KPNA3: variants seen among roughly 807,000 people sequenced by gnomAD.
KPNA3 encodes karyopherin subunit alpha 3.
Under a neutral mutation model 73.8 loss-of-function variants are expected in KPNA3, and 13 were observed. The ratio of observed to expected loss-of-function variants is 0.18; its 90% CI spans 0.11 to 0.28. The LOEUF is 0.28. Ranked by LOEUF, KPNA3 falls within the 10% of genes least tolerant of loss-of-function variation. The probability of loss-of-function intolerance (pLI) is 1.00; values close to 1 mark genes in which losing one functional copy is unlikely to be tolerated. For missense variants in KPNA3, 360 were observed against 618.1 expected, an observed-to-expected ratio of 0.58 and a Z score of 4.43; for synonymous variants, 186 against 206.9, an observed-to-expected ratio of 0.90 and a Z score of 0.87.
Position 49,725,517 on chromosome 13 carries a change from A to G in KPNA3, c.384-16T>C. On this transcript the variant is annotated splice_polypyrimidine_tract_variant and intron_variant, in intron 6 of 16. Coordinates refer to ENST00000261667, the MANE Select transcript of KPNA3 (RefSeq NM_002267.4). The stretch of plus-strand genomic sequence containing the variant: ...TAATGAAGGACTGTAAAAAAACAAT[A>G]ACACATCTTTTTAGACACATAACTA... 6.6e-7 allele frequency: 1 copy of G among 1,523,732 alleles called. No homozygotes were observed. The highest frequency in any genetic ancestry group is 1.4e-5 in the African/African-American group (1 of 73,276). 94.4% of individuals were successfully genotyped at this position (1,523,732 alleles called of 1,614,324 possible).
chr13:49,791,055 A>G (rs954127871), intron 1 of KPNA3, among the ~76,000 whole-genome samples: 3 of 152,260 alleles, frequency 2.0e-5, no homozygotes, highest in African/African-American at 7.2e-5. Flanking sequence ...AACCATGACC[A>G]GGAAAGAATA....
chr13:49,730,620 ATTTTT>A (rs1174367855), intron 6 of KPNA3, among the ~76,000 whole-genome samples: 1 of 143,574 alleles, frequency 7.0e-6, no homozygotes, highest in African/African-American at 2.6e-5. Flanking sequence ...ATTTTATTTT[ATTTTT>A]ATTATTATTA....
rs993747977 is a variant in KPNA3 at position 49,700,716 on chromosome 13, G to A, written c.*1084C>T. 2 of 152,424 alleles carry A rather than the reference G, an allele frequency of 1.3e-5. No homozygotes were observed. Among genetic ancestry groups the A allele is most frequent in the Non-Finnish European group, 2.9e-5 (2 of 67,998 alleles). 9.4% of individuals were successfully genotyped at this position (152,424 alleles called of 1,614,324 possible). ...TGCCAACCACATTATCAAAAGCACT[G>A]GTTACTAAGTAAAAAATATTTTAAG... On this transcript the variant is annotated 3_prime_UTR_variant, in exon 17 of 17. Coordinates refer to ENST00000261667, the MANE Select transcript of KPNA3 (RefSeq NM_002267.4).
At chr13:49,750,421 G>T (rs975729848) in intron 1 of KPNA3, among the ~76,000 whole-genome samples, 1 of 152,148 alleles carries the variant, frequency 6.6e-6, no homozygotes, top group African/African-American at 2.4e-5. Flanking sequence ...CGGAGGTCGA[G>T]GCGGGAGGAT....
At chr13:49,737,650 T>C in intron 2 of KPNA3, among the ~76,000 whole-genome samples, 1 of 148,160 alleles carries the variant, frequency 6.7e-6, no homozygotes, top group Non-Finnish European at 1.5e-5. Context: ...CAGGCTAGAG[T>C]GCAGTGACTG....
chr13:49,733,284 T>G (rs1229877971), intron 2 of KPNA3, among the ~76,000 whole-genome samples: 2 of 139,656 alleles, frequency 1.4e-5, no homozygotes, highest in African/African-American at 5.2e-5. Flanking sequence ...ACTGTGGTGT[T>G]TTTTTTTTTT....
At chr13:49,740,711 G>C (rs1235392570) in intron 2 of KPNA3, among the ~76,000 whole-genome samples, 1 of 152,022 alleles carries the variant, frequency 6.6e-6, no homozygotes, top group Non-Finnish European at 1.5e-5. Context: ...CGTGAAAACT[G>C]ACCAATATAC....
chr13:49,782,883 T>C (rs1322839134), intron 1 of KPNA3, among the ~76,000 whole-genome samples: 3 of 150,686 alleles, frequency 2.0e-5, no homozygotes, highest in Non-Finnish European at 4.4e-5. Context: ...AAAAGCTAAA[T>C]AAATGTTTAA....
At chr13:49,756,929 G>T (rs901738093) in intron 1 of KPNA3, among the ~76,000 whole-genome samples, 1 of 152,076 alleles carries the variant, frequency 6.6e-6, no homozygotes. Context: ...TTTTACAAAG[G>T]TGCAAAAGCA....
chr13:49,736,692 G>C (rs913100153), intron 2 of KPNA3, among the ~76,000 whole-genome samples: 40 of 152,220 alleles, frequency 2.6e-4, no homozygotes, highest in African/African-American at 9.2e-4. Flanking sequence ...ACATGTATTT[G>C]CATGTGTGTG....
intron 2 of KPNA3, among the ~76,000 whole-genome samples, chr13:49,746,454 G>A (rs7338721): frequency 6.6e-6 from 1 of 151,834 alleles, no homozygotes; most frequent in African/African-American, 2.4e-5. Context: ...CTCCAACCTG[G>A]ACAGAGTGAA....
intron 2 of KPNA3, among the ~76,000 whole-genome samples, chr13:49,738,351 TC>T (rs1214309001): frequency 6.6e-5 from 10 of 152,230 alleles, no homozygotes; most frequent in Non-Finnish European, 5.9e-5. Flanking sequence ...ACTGTGTCTT[TC>T]CATACACATT....
intron 1 of KPNA3, among the ~76,000 whole-genome samples, chr13:49,769,986 T>C (rs1342517310): frequency 6.6e-6 from 1 of 152,174 alleles, no homozygotes; most frequent in Non-Finnish European, 1.5e-5. Flanking sequence ...TAATGACTAA[T>C]AACATTAAGC....
chr13:49,787,120 A>C (rs116260193), intron 1 of KPNA3, among the ~76,000 whole-genome samples: 301 of 152,364 alleles, frequency 2.0e-3, no homozygotes, highest in African/African-American at 6.9e-3. Flanking sequence ...CAGAGACAGA[A>C]GCAAGTCTGG....
At chr13:49,702,828 A>AC (rs1366061940) in intron 15 of KPNA3, among the ~76,000 whole-genome samples, 1 of 152,144 alleles carries the variant, frequency 6.6e-6, no homozygotes, top group African/African-American at 2.4e-5. Context: ...CAGTACTAGA[A>AC]CCAACTCCCC....
chr13:49,718,147 T>C (rs1954322557), intron 10 of KPNA3, among the ~76,000 whole-genome samples: 1 of 152,244 alleles, frequency 6.6e-6, no homozygotes, highest in Admixed American at 6.5e-5. Context: ...TTTCAATCTC[T>C]GTATTTGTAA....
intron 6 of KPNA3, among the ~76,000 whole-genome samples, chr13:49,731,503 G>A (rs551988610): frequency 6.6e-6 from 1 of 152,208 alleles, no homozygotes; most frequent in South Asian, 2.1e-4. Context: ...GGTGGAAAGT[G>A]GGAGAGGTTG....
At chr13:49,770,942 C>A (rs990194660) in intron 1 of KPNA3, among the ~76,000 whole-genome samples, 9 of 151,528 alleles carry the variant, frequency 5.9e-5, no homozygotes, top group Admixed American at 2.0e-4. Context: ...ATATGTCTAT[C>A]CTTATGCCAG....
At chr13:49,770,534 T>A (rs532796963) in intron 1 of KPNA3, among the ~76,000 whole-genome samples, 1 of 152,232 alleles carries the variant, frequency 6.6e-6, no homozygotes, top group East Asian at 1.9e-4. Flanking sequence ...TTAATTTTGA[T>A]AAAGTCCAAT....
Sources: gnomAD v4.1 joint callset for allele counts (sites outside exome capture counted in the v4.1 genomes callset) on GRCh38, gnomAD v4.1.1 for gene constraint, MANE v1.5 for transcripts, NCBI Gene and HGNC (gene_info 2026-07-23, HGNC 2026-07-21) for gene names.